Variants in SYNGR3 observed in about 807,000 individuals in gnomAD.
The protein encoded by SYNGR3 is synaptogyrin 3, also known as synaptogyrin-3.
A neutral mutation model predicts 18.5 loss-of-function variants in SYNGR3; 10 were observed. The observed-to-expected ratio is 0.54, with a 90% confidence interval of 0.33 to 0.92. The LOEUF is 0.92. Among genes scored for constraint, SYNGR3 ranks in the 40% least tolerant of loss-of-function variants. SYNGR3 has a pLI of 0.02. For synonymous variants in SYNGR3, 188 were observed against 157.2 expected, an observed-to-expected ratio of 1.20 and a Z score of -1.47; for missense variants, 335 against 332.8, an observed-to-expected ratio of 1.01 and a Z score of -0.05.
At chr16:1,990,547 TG>T in intron 1 of SYNGR3, 1 of 457,228 alleles carries the variant, frequency 2.2e-6, no homozygotes, top group African/African-American at 2.1e-5. Context: ...AGGGACGGGG[TG>T]GGGACGGAAT....
chr16:1,992,642 G>A lies in SYNGR3; in HGVS notation c.344G>A (p.Trp115Ter). 6.2e-7 allele frequency: 1 copy of A among 1,605,316 alleles called. No homozygotes were observed. Among genetic ancestry groups the A allele is most frequent in the Non-Finnish European group, 8.5e-7 (1 of 1,177,448 alleles). ...VLLDLGFSGL[W>*]SFLWFVGFCF... ...CGCGCCGCACTGTTCGCAGGACTCT[G>A]GTCCTTCCTGTGGTTCGTGGGCTTC... The change falls in exon 3 of 4, where the codon TGG (tryptophan) becomes TAG (stop). Residue 115 changes from tryptophan to a stop codon, truncating the protein, a stop_gained. Coordinates refer to ENST00000248121, the MANE Select transcript of SYNGR3 (RefSeq NM_004209.6). LOFTEE classifies it high-confidence loss of function.
intron 1 of SYNGR3, 122 bp downstream of exon 1, chr16:1,990,323 A>C (rs1230788568): frequency 1.5e-4 from 50 of 322,790 alleles, no homozygotes; most frequent in East Asian, 2.3e-4. Flanking sequence ...ACTCACTCTC[A>C]TCCTCGCCGG....
At chr16:1,991,801 C>A in intron 1 of SYNGR3, 173 bp from the exon 2 acceptor site, 1 of 587,420 alleles carries the variant, frequency 1.7e-6, no homozygotes, top group Admixed American at 3.4e-5. Flanking sequence ...CTAAACGGCC[C>A]GTGTTGTCAA....
At chr16:1,992,471 C>A in intron 2 of SYNGR3, 165 bp from the exon 3 acceptor site, 2 of 1,014,614 alleles carry the variant, frequency 2.0e-6, no homozygotes, top group South Asian at 3.9e-5. Context: ...CTGGCGCTCC[C>A]GGGTGGGCGG....
chr16:1,993,445 G>A lies in SYNGR3; in HGVS notation c.*373G>A, dbSNP rs917156291. Reference sequence around the variant, plus strand: ...TGCAGGGGCTGCCCAGGACAAAGCGGGGGCAGGGGAAAGACACCACCCTCG... The same window carrying A: ...TGCAGGGGCTGCCCAGGACAAAGCGAGGGCAGGGGAAAGACACCACCCTCG... On this transcript the variant is annotated 3_prime_UTR_variant, in exon 4 of 4. Transcript: ENST00000248121. 9.7e-6 allele frequency: 5 copies of A among 513,890 alleles called. No homozygotes were observed. Among genetic ancestry groups the A allele is most frequent in the African/African-American group, 7.6e-5 (4 of 52,356 alleles). 31.8% of individuals were successfully genotyped at this position (513,890 alleles called of 1,614,324 possible).
Position 1,990,030 on chromosome 16 carries a change from G to GCAGCGC in SYNGR3, c.-72_-71insAGCGCC. ...ATCAGCATCAGCGGCAGCGGCAGCG[G>GCAGCGC]CCTCGGGCGGGGCCGGCCGGACGGA... On this transcript the variant is annotated 5_prime_UTR_variant, in exon 1 of 4. Coordinates refer to ENST00000248121, the MANE Select transcript of SYNGR3 (RefSeq NM_004209.6). The GCAGCGC allele has an allele frequency of 1.9e-6, 1 of 534,080 alleles. No individual in the cohort carries two copies. The highest frequency in any genetic ancestry group is 2.7e-6 in the Non-Finnish European group (1 of 375,118). The allele number at this position is 534,080 out of a possible 1,614,324, so 33.1% of individuals were successfully genotyped here. A position where few individuals can be genotyped will look rare whatever the true frequency, so the allele number is the denominator to read the frequency against.
intron 1 of SYNGR3, 35 bp downstream of exon 1, chr16:1,990,236 C>A: frequency 3.4e-6 from 4 of 1,182,182 alleles, no homozygotes; most frequent in Non-Finnish European, 4.3e-6. Context: ...CGCTCCCGCC[C>A]CTGCCTCGCG....
chr16:1,993,894 G>A lies in SYNGR3; in HGVS notation c.*822G>A. ...TGCCCCACAAGATGGCCCCTGTGTGGTTCCCTTTACCTTGGCTTCCTGGCC... is the reference window on the plus strand; with the variant it reads ...TGCCCCACAAGATGGCCCCTGTGTGATTCCCTTTACCTTGGCTTCCTGGCC... On this transcript the variant is annotated 3_prime_UTR_variant, in exon 4 of 4. Transcript: ENST00000248121. The A allele has an allele frequency of 3.4e-6, 1 of 294,304 alleles. No homozygotes were observed. Among genetic ancestry groups the A allele is most frequent in the South Asian group, 2.9e-5 (1 of 34,040 alleles). The allele number at this position is 294,304 out of a possible 1,614,324, so 18.2% of individuals were successfully genotyped here.
intron 1 of SYNGR3, chr16:1,990,645 G>A: frequency 3.1e-6 from 1 of 322,114 alleles, no homozygotes; most frequent in Non-Finnish European, 6.5e-6. Context: ...TTGGCAGGGA[G>A]CCTGTCCCCT....
In SYNGR3 at chr16:1,993,737, C is replaced by T; in HGVS notation, c.*665C>T. The T allele has an allele frequency of 2.5e-6, 1 of 393,188 alleles. No individual in the cohort carries two copies. Among genetic ancestry groups the T allele is most frequent in the South Asian group, 1.8e-5 (1 of 54,056 alleles). 24.4% of individuals were successfully genotyped at this position (393,188 alleles called of 1,614,324 possible). A position where few individuals can be genotyped will look rare whatever the true frequency, so the allele number is the denominator to read the frequency against. On this transcript the variant is annotated 3_prime_UTR_variant, in exon 4 of 4. Coordinates refer to ENST00000248121, the MANE Select transcript of SYNGR3 (RefSeq NM_004209.6). ...TTCTGGCCAGGAAGGCACAAGGTAG[C>T]TGTGGGCCAAGACACCAGCCCTGTC...
chr16:1,990,428 C>T (rs539910556), intron 1 of SYNGR3: 1 of 483,740 alleles, frequency 2.1e-6, no homozygotes, highest in Non-Finnish European at 3.8e-6. Flanking sequence ...GGAGAGGGAC[C>T]TTGAGAGGTC....
chr16:1,993,322 C>G lies in SYNGR3; in HGVS notation c.*250C>G. ...GGATAGCACTGCCCAGGACGTGTGT[C>G]CCTAGCCTGGAATGGACTGGCCTGG... On this transcript the variant is annotated 3_prime_UTR_variant, in exon 4 of 4. Transcript: ENST00000248121. The G allele has an allele frequency of 4.7e-6, 3 of 638,690 alleles. No individual in the cohort carries two copies. The highest frequency in any genetic ancestry group is 8.5e-6 in the Non-Finnish European group (3 of 351,362). The allele number at this position is 638,690 out of a possible 1,614,324, so 39.6% of individuals were successfully genotyped here.
chr16:1,990,264 A>AGCCCCCT lies in SYNGR3; in HGVS notation c.99+71_99+77dup, dbSNP rs1491294027. The AGCCCCCT allele has an allele frequency of 7.6e-6, 5 of 655,672 alleles. No individual in the cohort carries two copies. The Admixed American group carries it at 2.7e-4, about 35-fold the overall frequency. 40.6% of individuals were successfully genotyped at this position (655,672 alleles called of 1,614,324 possible). A position where few individuals can be genotyped will look rare whatever the true frequency, so the allele number is the denominator to read the frequency against. ...GCCTCGCGACCTTCAGGCCCCTACCAGCCCCCTGCCCCCTACCCCCTGCCC... is the reference window on the plus strand; with the variant it reads ...GCCTCGCGACCTTCAGGCCCCTACCAGCCCCCTGCCCCCTGCCCCCTACCCCCTGCCC... On this transcript the variant is annotated intron_variant, in intron 1 of 3. Transcript: ENST00000248121.
chr16:1,991,992 T>C lies in SYNGR3; in HGVS notation c.118T>C (p.Phe40Leu), dbSNP rs2083606552. The C allele has an allele frequency of 1.3e-6, 2 of 1,595,168 alleles. No individual in the cohort carries two copies. Among genetic ancestry groups the C allele is most frequent in the Non-Finnish European group, 8.5e-7 (1 of 1,172,916 alleles). Residue 40 changes from phenylalanine to leucine, a missense_variant, in exon 2 of 4, where the codon TTC (phenylalanine) becomes CTC (leucine). Phe to Leu is a conservative substitution (Grantham distance 22). Transcript: ENST00000248121. ...CACGCAGGTGTTCTCCATCGCCGTC[T>C]TCGGGCCCATCGTCAACGAGGGCTA... ...VASWVFSIAVFGPIVNEGYVN... is the reference protein window; with the variant it reads ...VASWVFSIAVLGPIVNEGYVN...
At chr16:1,991,618 TG>T (rs2083604306) in intron 1 of SYNGR3, 1 of 251,306 alleles carries the variant, frequency 4.0e-6, no homozygotes, top group Non-Finnish European at 7.8e-6. Flanking sequence ...CCCCGGCTTT[TG>T]TCAGCCATGT....
At chr16:1,991,893 C>A in intron 1 of SYNGR3, 81 bp from the exon 2 acceptor site, 1 of 1,255,714 alleles carries the variant, frequency 8.0e-7, no homozygotes, top group Non-Finnish European at 1.1e-6. Flanking sequence ...AACGCAGGGA[C>A]AGGCCCAGGG....
chr16:1,990,643 G>C (rs1013442286), intron 1 of SYNGR3: 5 of 324,504 alleles, frequency 1.5e-5, no homozygotes, highest in African/African-American at 9.1e-5. Flanking sequence ...CCTTGGCAGG[G>C]AGCCTGTCCC....
intron 1 of SYNGR3, chr16:1,991,469 A>C (rs2083603601): frequency 2.0e-5 from 3 of 147,006 alleles, no homozygotes; most frequent in Admixed American, 6.7e-5. Flanking sequence ...TGCCTGCTGC[A>C]CTCTCACCTC....
At position 1,991,927 on chromosome 16, in the gene SYNGR3, G is replaced by A. The variant is rs759229524; in HGVS notation, c.100-47G>A. The A allele has an allele frequency of 6.6e-6, 10 of 1,518,944 alleles. No homozygotes were observed. In the East Asian group the frequency reaches 2.5e-4, roughly 38 times the overall value. 94.1% of individuals were successfully genotyped at this position (1,518,944 alleles called of 1,614,324 possible). A position where few individuals can be genotyped will look rare whatever the true frequency, so the allele number is the denominator to read the frequency against. ...GGGCGTGGGCGCTCGAGGCGGGCTC[G>A]CAGAGGTCGGGTCGCCGCAGGGCCC... On this transcript the variant is annotated intron_variant, in intron 1 of 3. Transcript: ENST00000248121.
Sources: gnomAD v4.1 joint callset for allele counts on GRCh38, gnomAD v4.1.1 for gene constraint, MANE v1.5 for transcripts, NCBI Gene and HGNC (gene_info 2026-07-23, HGNC 2026-07-21) for gene names.